DNAJC19: variants seen among roughly 807,000 people sequenced by gnomAD.
The protein encoded by DNAJC19 is DnaJ heat shock protein family (Hsp40) member C19.
In DNAJC19, 15 loss-of-function variants were observed where a neutral mutation model predicts 19.8. The observed-to-expected ratio is 0.76, with a 90% CI of 0.51 to 1.17. The LOEUF is 1.17. Among genes scored for constraint, DNAJC19 ranks in the 50% most tolerant of loss-of-function variants. DNAJC19 has a pLI of 0.00. For missense variants in DNAJC19, 105 were observed against 140.9 expected (o/e 0.75, Z 1.29); for synonymous variants, 38 against 42.1 (o/e 0.90, Z 0.38).
chr3:180,983,746 A>T lies in DNAJC19; in HGVS notation c.*894T>A, dbSNP rs1481161452. ...CATCATTTAAATTTATTAGTGTATA[A>T]ATTCTAAAGAGTCCAAATTAAATAT... On this transcript the variant is annotated 3_prime_UTR_variant, in exon 6 of 6. Coordinates refer to ENST00000382564, the MANE Select transcript of DNAJC19 (RefSeq NM_145261.4). 2.3e-6 allele frequency: 1 copy of T among 441,112 alleles called. No individual in the cohort carries two copies. Among genetic ancestry groups the T allele is most frequent in the Non-Finnish European group, 4.5e-6 (1 of 221,844 alleles). 27.3% of individuals were successfully genotyped at this position (441,112 alleles called of 1,614,324 possible).
chr3:180,987,580 G>A (rs1714977018), intron 3 of DNAJC19: 1 of 282,780 alleles, frequency 3.5e-6, no homozygotes, highest in South Asian at 3.8e-5. Flanking sequence ...ACCACAGAGA[G>A]TATGACCATA....
intron 3 of DNAJC19, 179 bp from the exon 4 acceptor site, chr3:180,987,201 G>A: frequency 1.6e-6 from 1 of 629,460 alleles, no homozygotes. Flanking sequence ...GCAACAAGTA[G>A]TATTTTAATG....
rs1176828161 is a variant in DNAJC19 at position 180,989,684 on chromosome 3, T to C, written c.-82A>G. On this transcript the variant is annotated 5_prime_UTR_variant, in exon 1 of 6. Transcript: ENST00000382564. ...GCCGCGGCCAACACCTGCACGCCTT[T>C]ACCAGAGAGCGACGCAACCCCCAAC... 4 of 1,553,450 alleles carry C rather than the reference T, an allele frequency of 2.6e-6. No homozygotes were observed. The highest frequency in any genetic ancestry group is 3.5e-6 in the Non-Finnish European group (4 of 1,149,306).
Position 180,989,661 on chromosome 3 carries a change from C to G in DNAJC19, c.-59G>C, listed in dbSNP as rs768938396. On this transcript the variant is annotated 5_prime_UTR_variant, in exon 1 of 6. Coordinates refer to ENST00000382564, the MANE Select transcript of DNAJC19 (RefSeq NM_145261.4). ...GCACGGCTCATCCCAGCTCAGAGGC[C>G]GCGGCCAACACCTGCACGCCTTTAC... 1.3e-6 allele frequency: 2 copies of G among 1,567,596 alleles called. No homozygotes were observed.
At position 180,989,693 on chromosome 3, in the gene DNAJC19, G is replaced by A; in HGVS notation, c.-91C>T. 1.3e-6 allele frequency: 2 copies of A among 1,547,972 alleles called. No homozygotes were observed. Among genetic ancestry groups the A allele is most frequent in the Non-Finnish European group, 1.7e-6 (2 of 1,146,458 alleles). On this transcript the variant is annotated 5_prime_UTR_variant, in exon 1 of 6. Coordinates refer to ENST00000382564, the MANE Select transcript of DNAJC19 (RefSeq NM_145261.4). ...AACACCTGCACGCCTTTACCAGAGA[G>A]CGACGCAACCCCCAACCTCAAGCAC... is the stretch of plus-strand genomic sequence containing the variant.
chr3:180,989,066 C>T (rs556178906), intron 1 of DNAJC19, among the ~76,000 whole-genome samples: 10 of 151,498 alleles, frequency 6.6e-5, no homozygotes, highest in African/African-American at 2.4e-4. Flanking sequence ...AAACTGTTTA[C>T]AGACGGCTCC....
At chr3:180,989,807 C>G (rs1278040896), upstream of DNAJC19, 4 of 845,600 alleles carry the variant, frequency 4.7e-6, no homozygotes, top group Non-Finnish European at 7.7e-6. Flanking sequence ...GAAAGTCGCT[C>G]AAGCAGTGGA....
intron 4 of DNAJC19, 176 bp downstream of exon 4, chr3:180,986,767 C>G (rs1460922984): frequency 1.6e-6 from 1 of 620,438 alleles, no homozygotes; most frequent in African/African-American, 1.8e-5. Flanking sequence ...TTGTTTACAT[C>G]TTAAAAATAA....
chr3:180,985,903 A>C lies in DNAJC19; in HGVS notation c.280+23T>G, dbSNP rs373054567. The C allele has an allele frequency of 2.5e-6, 4 of 1,600,722 alleles. No individual in the cohort carries two copies. In the African/African-American group the frequency reaches 5.4e-5, roughly 21 times the overall value. On this transcript the variant is annotated intron_variant, in intron 5 of 5. Transcript: ENST00000382564. ...ACTATTGGTCACACCAACAACATCA[A>C]CGAGAATTTAATGACTACTTACCTT...
chr3:180,986,148 G>A (rs1226352947), intron 4 of DNAJC19, 152 bp from the exon 5 acceptor site: 17 of 674,356 alleles, frequency 2.5e-5, no homozygotes, highest in Middle Eastern at 3.7e-4. Context: ...CACCCAATGC[G>A]TATCCTAAAT....
chr3:180,989,787 G>A (rs1442946442), upstream of DNAJC19: 1 of 972,440 alleles, frequency 1.0e-6, no homozygotes, highest in Non-Finnish European at 1.6e-6. Flanking sequence ...AAGGGGACGC[G>A]GAGGAGAAGG....
At chr3:180,989,389 G>T in intron 1 of DNAJC19, 1 of 1,434,566 alleles carries the variant, frequency 7.0e-7, no homozygotes, top group Non-Finnish European at 9.1e-7. Flanking sequence ...AGAAGCTGGA[G>T]AACCGTGCAG....
chr3:180,984,282 A>G lies in DNAJC19; in HGVS notation c.*358T>C, dbSNP rs1714777923. The G allele has an allele frequency of 4.4e-6, 2 of 455,862 alleles. No individual in the cohort carries two copies. Among genetic ancestry groups the G allele is most frequent in the African/African-American group, 2.0e-5 (1 of 50,198 alleles). The allele number at this position is 455,862 out of a possible 1,614,324, so 28.2% of individuals were successfully genotyped here. A position where few individuals can be genotyped will look rare whatever the true frequency, so the allele number is the denominator to read the frequency against. ...GCTAATTTCCATCATACTATTTATCACAGTCTAATTACCAGTTTATCAGTC... is the reference window on the plus strand; with the variant it reads ...GCTAATTTCCATCATACTATTTATCGCAGTCTAATTACCAGTTTATCAGTC... On this transcript the variant is annotated 3_prime_UTR_variant, in exon 6 of 6. Transcript: ENST00000382564.
In DNAJC19 at chr3:180,987,224, A is replaced by G. The variant is rs1577025234; in HGVS notation, c.130-202T>C. On this transcript the variant is annotated intron_variant, in intron 3 of 5. Transcript: ENST00000382564. ...TAGTATTTTAATGATCATTAAACAG[A>G]TTCATTTTTTTCCAGTCAATATGAA... 8.4e-6 allele frequency: 5 copies of G among 592,758 alleles called. No homozygotes were observed. The East Asian group carries it at 1.4e-4, about 17-fold the overall frequency. 36.7% of individuals were successfully genotyped at this position (592,758 alleles called of 1,614,324 possible). A position where few individuals can be genotyped will look rare whatever the true frequency, so the allele number is the denominator to read the frequency against.
rs775803693 is a variant in DNAJC19, at chr3:180,983,768, A to C, written c.*872T>G. 4 of 451,838 alleles carry C rather than the reference A, an allele frequency of 8.9e-6. No individual in the cohort carries two copies. The highest frequency in any genetic ancestry group is 1.3e-5 in the Non-Finnish European group (3 of 225,984). 28.0% of individuals were successfully genotyped at this position (451,838 alleles called of 1,614,324 possible). A position where few individuals can be genotyped will look rare whatever the true frequency, so the allele number is the denominator to read the frequency against. On this transcript the variant is annotated 3_prime_UTR_variant, in exon 6 of 6. Coordinates refer to ENST00000382564, the MANE Select transcript of DNAJC19 (RefSeq NM_145261.4). The stretch of plus-strand genomic sequence containing the variant: ...ATAAATTCTAAAGAGTCCAAATTAA[A>C]TATGTTGATATTGAGAACATTTCAG...
intron 1 of DNAJC19, among the ~76,000 whole-genome samples, chr3:180,989,046 A>G (rs1715079501): frequency 6.6e-6 from 1 of 151,708 alleles, no homozygotes; most frequent in South Asian, 2.1e-4. Flanking sequence ...GGTTTCTGCT[A>G]CAGAAGGAAA....
At chr3:180,985,728 T>C in intron 5 of DNAJC19, 198 bp downstream of exon 5, 1 of 583,404 alleles carries the variant, frequency 1.7e-6, no homozygotes. Context: ...ATAGTAGCAC[T>C]TACATCTGCT....
In DNAJC19 at chr3:180,987,935, G is replaced by A. The variant is rs1040067816; in HGVS notation, c.129+88C>T. The A allele has an allele frequency of 4.7e-6, 7 of 1,492,552 alleles. 1 individual carries two copies. The African/African-American group carries it at 8.3e-5, about 18-fold the overall frequency. The allele number at this position is 1,492,552 out of a possible 1,614,324, so 92.5% of individuals were successfully genotyped here. ...AGAATGGGTCCAAAGCAATCACTTA[G>A]AACTTCATGGATATTTGGAAATTTA... On this transcript the variant is annotated intron_variant, in intron 3 of 5. Transcript: ENST00000382564.
chr3:180,988,791 G>A (rs1447355608), intron 1 of DNAJC19, among the ~76,000 whole-genome samples: 3 of 151,490 alleles, frequency 2.0e-5, no homozygotes, highest in South Asian at 2.1e-4. Context: ...TCACTAGGTC[G>A]GGAGATCGAG....
Sources: gnomAD v4.1 joint callset for allele counts (sites outside exome capture counted in the v4.1 genomes callset) on GRCh38, gnomAD v4.1.1 for gene constraint, MANE v1.5 for transcripts, NCBI Gene and HGNC (gene_info 2026-07-23, HGNC 2026-07-21) for gene names.